Variants in TLN2 observed in about 807,000 individuals in gnomAD.
The protein encoded by TLN2 is talin-2.
Under a neutral mutation model 294.7 loss-of-function variants are expected in TLN2, and 118 were observed. The observed-to-expected ratio is 0.40, with a 90% CI of 0.34 to 0.47. The LOEUF (loss-of-function observed/expected upper bound fraction) is 0.47, where lower values mean the gene tolerates loss of function less well. Among genes scored for constraint, TLN2 ranks in the 20% least tolerant of loss-of-function variants. The pLI is 0.84. For synonymous variants in TLN2, 1,431 were observed against 1,304.5 expected, an observed-to-expected ratio of 1.10 and a Z score of -2.09; for missense variants, 3,083 against 3,282.2, an observed-to-expected ratio of 0.94 and a Z score of 1.48.
intron 45 of TLN2, 66 bp downstream of exon 45, chr15:62,783,956 C>G (rs2064413856): frequency 1.3e-6 from 2 of 1,599,508 alleles, no homozygotes; most frequent in African/African-American, 2.7e-5. Context: ...CTGGGTATTT[C>G]TTCATAGCTT....
intron 28 of TLN2, among the ~76,000 whole-genome samples, chr15:62,736,154 A>G (rs952604773): frequency 2.0e-5 from 3 of 151,990 alleles, no homozygotes; most frequent in Admixed American, 6.6e-5. Flanking sequence ...CTACTAAAAA[A>G]AGAAAATACA....
At chr15:62,763,542 A>G (rs2062806382) in intron 39 of TLN2, 21 bp from the exon 40 acceptor site, 1 of 1,591,966 alleles carries the variant, frequency 6.3e-7, no homozygotes, top group African/African-American at 1.3e-5. Context: ...GCCTGTGTCC[A>G]ACTTGCACTA....
At chr15:62,469,775 C>T (rs143285377) in intron 1 of TLN2, among the ~76,000 whole-genome samples, 2 of 152,328 alleles carry the variant, frequency 1.3e-5, no homozygotes, top group South Asian at 2.1e-4. Context: ...TACTGGCTCT[C>T]TTCTAGCTAA....
At position 62,728,728 on chromosome 15, in the gene TLN2, G is replaced by T. The variant is rs2060566621; in HGVS notation, c.3358+1539G>T. ...TGTTTGTGTCTTTTGCCCATTATTT[G>T]AAAATTGGGTTATTGTCTTTTCCTC... On this transcript the variant is annotated intron_variant, in intron 28 of 58. Coordinates refer to ENST00000636159, the MANE Select transcript of TLN2 (RefSeq NM_015059.3). 2.6e-5 allele frequency among the ~76,000 whole-genome samples: 4 copies of T among 152,178 alleles called. No homozygotes were observed. In the South Asian group the frequency reaches 8.3e-4, roughly 32 times the overall value.
chr15:62,462,836 G>A (rs1007911956), intron 1 of TLN2, among the ~76,000 whole-genome samples: 15 of 152,128 alleles, frequency 9.9e-5, no homozygotes, highest in African/African-American at 3.4e-4. Flanking sequence ...TCATTGCCTT[G>A]TGTCTCATCT....
chr15:62,796,159 G>A lies in TLN2; in HGVS notation c.5916G>A (p.Gly1972=). ...VSLVLSALQA[G]NKGTQACITA... ...TGGTGCTCTCGGCTCTCCAGGCCGGGAACAAAGGAACCCAGGCATGCATTA... is the reference window on the plus strand; with the variant it reads ...TGGTGCTCTCGGCTCTCCAGGCCGGAAACAAAGGAACCCAGGCATGCATTA... Residue 1972 remains glycine, a synonymous_variant, in exon 47 of 59, where the codon GGG becomes GGA. Transcript: ENST00000636159. 1 of 1,614,256 alleles carries A rather than the reference G, an allele frequency of 6.2e-7. No homozygotes were observed. Among genetic ancestry groups the A allele is most frequent in the East Asian group, 2.2e-5 (1 of 44,886 alleles).
At position 62,554,544 on chromosome 15, in the gene TLN2, T is replaced by A. The variant is rs908581907; in HGVS notation, c.-237-35143T>A. Among the ~76,000 whole-genome samples the A allele has an allele frequency of 5.9e-5, 9 of 151,926 alleles. No homozygotes were observed. In the East Asian group the frequency reaches 1.7e-3, roughly 29 times the overall value. ...TTGTAGAACTTTGAAATAAGTCAGATAAATCCTTTCTAGGATGATGGGACA... is the reference window on the plus strand; with the variant it reads ...TTGTAGAACTTTGAAATAAGTCAGAAAAATCCTTTCTAGGATGATGGGACA... On this transcript the variant is annotated intron_variant, in intron 1 of 58. Coordinates refer to ENST00000636159, the MANE Select transcript of TLN2 (RefSeq NM_015059.3).
intron 2 of TLN2, among the ~76,000 whole-genome samples, chr15:62,599,510 A>C (rs373880418): frequency 4.6e-5 from 7 of 152,324 alleles, no homozygotes; most frequent in African/African-American, 1.7e-4. Context: ...TCCAGTGAAA[A>C]CTGGATACAA....
rs539651890 is a variant in TLN2, at chr15:62,676,549, A to G, written c.957+1228A>G. ...TAATAACAGCAATAATGTTTAGTAA[A>G]CAGCCATCCATCAAGCTTATCTCAT... On this transcript the variant is annotated intron_variant, in intron 11 of 58. Transcript: ENST00000636159. Among the ~76,000 whole-genome samples the G allele has an allele frequency of 8.5e-5, 13 of 152,302 alleles. No homozygotes were observed. In the South Asian group the frequency reaches 2.1e-3, roughly 24 times the overall value.
chr15:62,793,987 C>T (rs573517486), intron 46 of TLN2, among the ~76,000 whole-genome samples: 5 of 151,906 alleles, frequency 3.3e-5, no homozygotes, highest in African/African-American at 9.6e-5. Flanking sequence ...ACTCCACAGA[C>T]GAGGAAATAA....
intron 2 of TLN2, among the ~76,000 whole-genome samples, chr15:62,597,831 T>C (rs543187855): frequency 6.6e-5 from 10 of 152,360 alleles, no homozygotes; most frequent in Non-Finnish European, 1.2e-4. Flanking sequence ...AAGGTAATTT[T>C]ATACATCATT....
rs192540587 is a variant in TLN2 at position 62,591,358 on chromosome 15, C to G, written c.-162+1596C>G. 1.2e-3 allele frequency among the ~76,000 whole-genome samples: 189 copies of G among 152,224 alleles called. 2 individuals carry two copies. Among genetic ancestry groups the G allele is most frequent in the Non-Finnish European group, 2.0e-3 (138 of 68,022 alleles). On this transcript the variant is annotated intron_variant, in intron 2 of 58. Coordinates refer to ENST00000636159, the MANE Select transcript of TLN2 (RefSeq NM_015059.3). ...ATGACTGCTGAGGGCTCTTCTGCCT[C>G]TAAGACTGTATCATTCCTCTGAAGC...
At chr15:62,484,813 T>C (rs971970073) in intron 1 of TLN2, among the ~76,000 whole-genome samples, 7 of 152,188 alleles carry the variant, frequency 4.6e-5, no homozygotes, top group African/African-American at 1.7e-4. Context: ...TCAAAAGGGA[T>C]GAAAACTCGC....
At chr15:62,432,930 G>GC (rs1227941334) in intron 1 of TLN2, among the ~76,000 whole-genome samples, 1 of 152,132 alleles carries the variant, frequency 6.6e-6, no homozygotes, top group Admixed American at 6.5e-5. Context: ...AGAAGCCCTT[G>GC]CCAGGCAGGC....
chr15:62,461,837 CAG>C (rs1216434725), intron 1 of TLN2, among the ~76,000 whole-genome samples: 2 of 152,210 alleles, frequency 1.3e-5, no homozygotes, highest in African/African-American at 4.8e-5. Context: ...CTGGTGAGCG[CAG>C]AGTGACCAGC....
At chr15:62,542,659 C>T (rs900411828) in intron 1 of TLN2, among the ~76,000 whole-genome samples, 9 of 152,010 alleles carry the variant, frequency 5.9e-5, no homozygotes, top group Non-Finnish European at 1.2e-4. Flanking sequence ...GAAGTCCAAC[C>T]ATGGGGTGTG....
intron 42 of TLN2, among the ~76,000 whole-genome samples, chr15:62,775,570 T>C (rs1212371289): frequency 1.3e-5 from 2 of 152,218 alleles, no homozygotes; most frequent in Admixed American, 6.5e-5. Context: ...TTTTCTTGCT[T>C]CCTATGGCTT....
At chr15:62,514,896 A>G (rs925858047) in intron 1 of TLN2, among the ~76,000 whole-genome samples, 17 of 152,198 alleles carry the variant, frequency 1.1e-4, no homozygotes, top group African/African-American at 3.9e-4. Context: ...GTAAATATGC[A>G]AAATGCCATT....
chr15:62,584,501 A>T (rs2045422245), intron 1 of TLN2, among the ~76,000 whole-genome samples: 1 of 152,164 alleles, frequency 6.6e-6, no homozygotes, highest in South Asian at 2.1e-4. Context: ...CTTGCTCTTC[A>T]TTGAGTTTCC....
Sources: gnomAD v4.1 joint callset for allele counts (sites outside exome capture counted in the v4.1 genomes callset) on GRCh38, gnomAD v4.1.1 for gene constraint, MANE v1.5 for transcripts, NCBI Gene and HGNC (gene_info 2026-07-23, HGNC 2026-07-21) for gene names.